Variants in HNF4A observed in about 807,000 individuals in gnomAD.
HNF4A encodes hepatocyte nuclear factor 4-alpha.
HNF4A carries 15 observed loss-of-function variants against 52.4 expected under a neutral mutation model. That is an observed-to-expected ratio of 0.29 (90% CI 0.19 to 0.44). The LOEUF is 0.44. Among genes scored for constraint, HNF4A ranks in the 20% least tolerant of loss-of-function variants. The pLI is 1.00. For missense variants in HNF4A, 479 were observed against 647.2 expected, an observed-to-expected ratio of 0.74 and a Z score of 2.82; for synonymous variants, 280 against 264.4, an observed-to-expected ratio of 1.06 and a Z score of -0.57.
At chr20:44,418,334 C>A in intron 5 of HNF4A, 91 bp from the exon 6 acceptor site, 1 of 942,424 alleles carries the variant, frequency 1.1e-6, no homozygotes, top group Non-Finnish European at 1.8e-6. Flanking sequence ...CAGAGGGGAG[C>A]ATTAAGCTGA....
chr20:44,355,824 C>T, exon 1 of HNF4A: 1 of 1,613,724 alleles, frequency 6.2e-7, no homozygotes, highest in Non-Finnish European at 8.5e-7. Context: ...GTGAACGCGC[C>T]CCTCGGGGCT....
In HNF4A at chr20:44,381,034, G is replaced by A. The variant is rs1381522133; in HGVS notation, c.50-25024G>A. 5.6e-5 allele frequency among the ~76,000 whole-genome samples: 5 copies of A among 89,944 alleles called. No individual in the cohort carries two copies. The East Asian group carries it at 2.3e-3, about 41-fold the overall frequency. The allele number at this position is 89,944 out of a possible 152,430, so 59.0% of individuals were successfully genotyped here. On this transcript the variant is annotated intron_variant, in intron 1 of 9. Transcript: ENST00000316673. ...TTTGTTAATTAAGACTTTTGCACCT[G>A]GTAGACGCTCTTTGACCTCTAACCC... is the stretch of plus-strand genomic sequence containing the variant.
chr20:44,409,243 T>C (rs996699319), intron 3 of HNF4A, among the ~76,000 whole-genome samples: 1 of 152,146 alleles, frequency 6.6e-6, no homozygotes, highest in Non-Finnish European at 1.5e-5. Flanking sequence ...TACTCCCTCC[T>C]CTCCCAAACC....
chr20:44,420,613 C>T (rs1203601485), intron 7 of HNF4A, among the ~76,000 whole-genome samples: 1 of 152,018 alleles, frequency 6.6e-6, no homozygotes, highest in Non-Finnish European at 1.5e-5. Context: ...GACCTCGTCT[C>T]TATAGAAACT....
chr20:44,356,334 C>G (rs1206233630), intron 1 of HNF4A, among the ~76,000 whole-genome samples: 1 of 152,130 alleles, frequency 6.6e-6, no homozygotes, highest in Non-Finnish European at 1.5e-5. Flanking sequence ...GTAGAAAGCG[C>G]CGCGCAGGGT....
downstream of HNF4A, chr20:44,434,417 G>A (rs73909510): frequency 0.19 from 28,865 of 150,586 alleles, 2,745 homozygotes; most frequent in Non-Finnish European, 0.21. Context: ...GGCCGCTCCC[G>A]CCTTCCCCTG....
rs1600731554 is a variant in HNF4A at position 44,418,528 on chromosome 20, G to A, written c.736+16G>A. On this transcript the variant is annotated intron_variant, in intron 6 of 9. Coordinates refer to ENST00000316099, the MANE Select transcript of HNF4A (RefSeq NM_000457.6). ...CTGCTCCTAGGTGAGGCGGCTGCCT[G>A]CCCTGGCCAGGGCTCCAGGGAGGGT... 6.9e-6 allele frequency: 11 copies of A among 1,596,042 alleles called. No individual in the cohort carries two copies. The East Asian group carries it at 2.2e-4, about 32-fold the overall frequency.
intron 1 of HNF4A, among the ~76,000 whole-genome samples, chr20:44,394,264 A>T (rs2063332406): frequency 6.6e-6 from 1 of 151,972 alleles, no homozygotes; most frequent in South Asian, 2.1e-4. Context: ...ATTCATTCCC[A>T]TGCTGGCTGG....
At chr20:44,362,174 C>A (rs1468647958) in intron 1 of HNF4A, among the ~76,000 whole-genome samples, 1 of 151,986 alleles carries the variant, frequency 6.6e-6, no homozygotes, top group Non-Finnish European at 1.5e-5. Flanking sequence ...AATCCCAGCA[C>A]TTTGGGAGGC....
In HNF4A at chr20:44,390,482, C is replaced by T. The variant is rs564859402; in HGVS notation, c.50-15576C>T. Reference sequence around the variant, plus strand: ...GGTCTGCAGTTTCCATGGAGACCGCCTCCCACCATCCCTGAAATCTCATTG... The same window carrying T: ...GGTCTGCAGTTTCCATGGAGACCGCTTCCCACCATCCCTGAAATCTCATTG... On this transcript the variant is annotated intron_variant, in intron 1 of 9. Transcript: ENST00000316673. 15 of 607,558 alleles carry T rather than the reference C, an allele frequency of 2.5e-5. No homozygotes were observed. The East Asian group carries it at 4.2e-4, about 17-fold the overall frequency. 37.6% of individuals were successfully genotyped at this position (607,558 alleles called of 1,614,324 possible).
intron 1 of HNF4A, among the ~76,000 whole-genome samples, chr20:44,366,284 A>C (rs1441936333): frequency 6.6e-6 from 1 of 152,174 alleles, no homozygotes; most frequent in Non-Finnish European, 1.5e-5. Context: ...AAATTTATAG[A>C]GTACTTACTA....
At chr20:44,423,358 G>A (rs1002025175) in intron 7 of HNF4A, among the ~76,000 whole-genome samples, 7 of 152,056 alleles carry the variant, frequency 4.6e-5, no homozygotes, top group Non-Finnish European at 1.0e-4. Flanking sequence ...TAAGACATAC[G>A]CGTGCCCCTG....
chr20:44,399,707 C>T (rs889982097), upstream of HNF4A, among the ~76,000 whole-genome samples: 3 of 152,154 alleles, frequency 2.0e-5, no homozygotes, highest in African/African-American at 7.2e-5. Context: ...CTCACTTACT[C>T]AGTAATTTAC....
intron 7 of HNF4A, among the ~76,000 whole-genome samples, chr20:44,421,840 T>G (rs1838746600): frequency 6.8e-6 from 1 of 146,182 alleles, no homozygotes; most frequent in Non-Finnish European, 1.5e-5. Context: ...TAGTGATATA[T>G]TACGTATAAT....
intron 7 of HNF4A, among the ~76,000 whole-genome samples, chr20:44,422,558 G>A (rs891056892): frequency 3.3e-5 from 5 of 151,514 alleles, no homozygotes; most frequent in African/African-American, 4.9e-5. Flanking sequence ...TTGTATGACC[G>A]CTTAAGTTCC....
chr20:44,396,965 T>C (rs717248), upstream of HNF4A, among the ~76,000 whole-genome samples: 11,764 of 152,154 alleles, frequency 0.077, 738 homozygotes, highest in African/African-American at 0.18. Flanking sequence ...TCTCATTTAA[T>C]CTTCACGACA....
Position 44,356,012 on chromosome 20 carries a change from A to G in HNF4A, c.49+159A>G, listed in dbSNP as rs925440669. Reference sequence around the variant, plus strand: ...ACGGAGGCAATGTGACCGCTTCCCTAAGCTCTCAAGCCGGGGCATGGCCTG... The same window carrying G: ...ACGGAGGCAATGTGACCGCTTCCCTGAGCTCTCAAGCCGGGGCATGGCCTG... On this transcript the variant is annotated intron_variant, in intron 1 of 9. Coordinates refer to the HNF4A transcript ENST00000316673. 2.7e-5 allele frequency among the ~76,000 whole-genome samples: 4 copies of G among 150,694 alleles called. No homozygotes were observed. In the Middle Eastern group the frequency reaches 0.01, roughly 384 times the overall value.
intron 5 of HNF4A, among the ~76,000 whole-genome samples, chr20:44,415,011 C>G (rs2063643145): frequency 6.6e-6 from 1 of 152,102 alleles, no homozygotes; most frequent in Non-Finnish European, 1.5e-5. Context: ...AAGCTCCTGA[C>G]CATTGTACCT....
At chr20:44,386,102 C>G (rs2063219433) in intron 1 of HNF4A, among the ~76,000 whole-genome samples, 1 of 151,264 alleles carries the variant, frequency 6.6e-6, no homozygotes, top group South Asian at 2.1e-4. Context: ...GGTGATCCAC[C>G]CACCTCCCAA....
Sources: allele counts gnomAD v4.1 joint callset (sites outside exome capture counted in the v4.1 genomes callset), GRCh38; gene constraint gnomAD v4.1.1; transcripts MANE v1.5; gene names NCBI Gene and HGNC (gene_info 2026-07-23, HGNC 2026-07-21).